Variants in HS6ST3 observed in about 807,000 individuals in gnomAD.
The protein encoded by HS6ST3 is heparan-sulfate 6-O-sulfotransferase 3.
In HS6ST3, 12 loss-of-function variants were observed where a neutral mutation model predicts 36.7. The observed-to-expected ratio is 0.33, with a 90% CI of 0.21 to 0.53. The LOEUF is 0.53. Ranked by LOEUF, HS6ST3 falls within the 20% of genes least tolerant of loss-of-function variation. HS6ST3 has a pLI of 0.95. For missense variants in HS6ST3, 584 were observed against 640.9 expected (o/e 0.91, Z 0.96); for synonymous variants, 240 against 257.5 (o/e 0.93, Z 0.65).
At chr13:96,242,874 T>C (rs1352176367) in intron 1 of HS6ST3, among the ~76,000 whole-genome samples, 1 of 152,206 alleles carries the variant, frequency 6.6e-6, no homozygotes, top group African/African-American at 2.4e-5. Flanking sequence ...CCAAAAGATA[T>C]CGGCACTCCC....
Position 96,305,924 on chromosome 13 carries a change from CTTT to C in HS6ST3, c.707+214356_707+214358del, listed in dbSNP as rs577094257. ...TTTATGTACCAGATTTCCTTTCTTT[CTTT>C]CTTTCCTTTTTTTTTTAGACAGGAT... On this transcript the variant is annotated intron_variant, in intron 1 of 1. Coordinates refer to ENST00000376705, the MANE Select transcript of HS6ST3 (RefSeq NM_153456.4). Among the ~76,000 whole-genome samples the C allele has an allele frequency of 8.1e-3, 918 of 113,486 alleles. 12 individuals carry two copies. Among genetic ancestry groups the C allele is most frequent in the African/African-American group, 0.029 (884 of 30,744 alleles). 74.5% of individuals were successfully genotyped at this position (113,486 alleles called of 152,430 possible). A position where few individuals can be genotyped will look rare whatever the true frequency, so the allele number is the denominator to read the frequency against.
intron 1 of HS6ST3, among the ~76,000 whole-genome samples, chr13:96,300,567 A>T (rs1002028546): frequency 6.6e-6 from 1 of 152,130 alleles, no homozygotes; most frequent in African/African-American, 2.4e-5. Flanking sequence ...AGAACATTTT[A>T]TCAGTAGAAG....
In HS6ST3 at chr13:96,112,503, C is replaced by T. The variant is rs934444587; in HGVS notation, c.707+20934C>T. 5.5e-5 allele frequency among the ~76,000 whole-genome samples: 8 copies of T among 145,622 alleles called. No homozygotes were observed. The East Asian group carries it at 1.2e-3, about 23-fold the overall frequency. On this transcript the variant is annotated intron_variant, in intron 1 of 1. Transcript: ENST00000376705. ...ATCCCAGCACTTTGGGAGACTGAGG[C>T]GGGTGGAATGCTTGAATCCAGGAGT...
intron 1 of HS6ST3, among the ~76,000 whole-genome samples, chr13:96,115,667 C>T (rs1322072089): frequency 6.6e-6 from 1 of 152,134 alleles, no homozygotes; most frequent in Non-Finnish European, 1.5e-5. Flanking sequence ...CGGGTTGGTT[C>T]CATGACTTTG....
chr13:96,338,656 C>T (rs1364578554), intron 1 of HS6ST3, among the ~76,000 whole-genome samples: 3 of 152,304 alleles, frequency 2.0e-5, no homozygotes, highest in East Asian at 3.9e-4. Flanking sequence ...GAATCTCTAG[C>T]TTCAGGACTT....
intron 1 of HS6ST3, among the ~76,000 whole-genome samples, chr13:96,671,355 T>C (rs555725044): frequency 6.6e-5 from 10 of 152,112 alleles, no homozygotes; most frequent in South Asian, 4.2e-4. Flanking sequence ...CCCAGTGTGA[T>C]TGAGAGTGGC....
intron 1 of HS6ST3, among the ~76,000 whole-genome samples, chr13:96,720,394 G>T (rs1440979951): frequency 1.3e-5 from 2 of 151,986 alleles, no homozygotes; most frequent in Non-Finnish European, 2.9e-5. Flanking sequence ...GCCCCTTAAA[G>T]CCCCAAAGAA....
intron 1 of HS6ST3, among the ~76,000 whole-genome samples, chr13:96,171,399 C>G (rs1047358690): frequency 4.6e-5 from 7 of 152,130 alleles, no homozygotes; most frequent in East Asian, 1.9e-4. Flanking sequence ...GCTGTACTTA[C>G]GGAATGGAAT....
intron 1 of HS6ST3, among the ~76,000 whole-genome samples, chr13:96,607,652 T>G (rs2056443704): frequency 6.6e-6 from 1 of 152,194 alleles, no homozygotes; most frequent in South Asian, 2.1e-4. Flanking sequence ...TATTTTAGTG[T>G]TTTTACTAGT....
At position 96,570,918 on chromosome 13, in the gene HS6ST3, C is replaced by G. The variant is rs575587693; in HGVS notation, c.708-261572C>G. 5.3e-5 allele frequency among the ~76,000 whole-genome samples: 8 copies of G among 152,144 alleles called. No homozygotes were observed. The East Asian group carries it at 1.4e-3, about 26-fold the overall frequency. ...CTTTTCTGAGGATGTAACATATAAG[C>G]TGGATCTTTAAATATGAGCAGAATT... On this transcript the variant is annotated intron_variant, in intron 1 of 1. Coordinates refer to ENST00000376705, the MANE Select transcript of HS6ST3 (RefSeq NM_153456.4).
chr13:96,374,546 A>G (rs537889332), intron 1 of HS6ST3, among the ~76,000 whole-genome samples: 2 of 152,176 alleles, frequency 1.3e-5, no homozygotes, highest in African/African-American at 2.4e-5. Context: ...CATCCCTCCA[A>G]TGGGCTTGCA....
intron 1 of HS6ST3, among the ~76,000 whole-genome samples, chr13:96,239,215 CAGGTCATTA>C (rs1486417694): frequency 4.6e-5 from 7 of 152,296 alleles, no homozygotes; most frequent in African/African-American, 1.4e-4. Context: ...GGGCACCTTT[CAGGTCATTA>C]ATATCTATAT....
At chr13:96,487,446 C>T (rs368833546) in intron 1 of HS6ST3, among the ~76,000 whole-genome samples, 130 of 152,086 alleles carry the variant, frequency 8.5e-4, no homozygotes, top group African/African-American at 3.0e-3. Flanking sequence ...AAATGCATCC[C>T]GCTTAAATTG....
intron 1 of HS6ST3, among the ~76,000 whole-genome samples, chr13:96,683,639 C>T (rs1158548489): frequency 6.6e-6 from 1 of 152,024 alleles, no homozygotes. Context: ...GTAAAATGAT[C>T]ATCAGTTCTG....
chr13:96,113,159 G>C (rs1338286269), intron 1 of HS6ST3, among the ~76,000 whole-genome samples: 3 of 152,090 alleles, frequency 2.0e-5, no homozygotes, highest in Non-Finnish European at 4.4e-5. Context: ...ACCATCCAAG[G>C]ATGAGTCACA....
intron 1 of HS6ST3, among the ~76,000 whole-genome samples, chr13:96,337,950 A>G (rs2055110124): frequency 6.6e-6 from 1 of 152,006 alleles, no homozygotes; most frequent in Non-Finnish European, 1.5e-5. Context: ...ATTTTTAAAA[A>G]TTCTTTTTGT....
intron 1 of HS6ST3, among the ~76,000 whole-genome samples, chr13:96,448,308 C>A (rs2055709237): frequency 6.6e-6 from 1 of 152,184 alleles, no homozygotes; most frequent in Non-Finnish European, 1.5e-5. Context: ...ATTTAATCAA[C>A]CATTGTCATC....
chr13:96,516,313 C>G (rs921250891), intron 1 of HS6ST3, among the ~76,000 whole-genome samples: 2 of 151,854 alleles, frequency 1.3e-5, no homozygotes, highest in African/African-American at 4.8e-5. Flanking sequence ...TGATCTGCCC[C>G]CAAAGTGCTG....
intron 1 of HS6ST3, among the ~76,000 whole-genome samples, chr13:96,258,824 G>C (rs887871089): frequency 6.6e-6 from 1 of 152,180 alleles, no homozygotes. Context: ...CTAAGGACTT[G>C]AGAAATAGTG....
Sources: gnomAD v4.1 joint callset for allele counts (sites outside exome capture counted in the v4.1 genomes callset) on GRCh38, gnomAD v4.1.1 for gene constraint, MANE v1.5 for transcripts, NCBI Gene and HGNC (gene_info 2026-07-23, HGNC 2026-07-21) for gene names.